The following OSCP1 variants were observed in gnomAD, a reference collection of about 807,000 sequenced individuals.
OSCP1 encodes the protein organic solute carrier partner 1, also known as protein OSCP1.
OSCP1 carries 35 observed loss-of-function variants against 45.1 expected under a neutral mutation model. The observed-to-expected ratio is 0.78, with a 90% CI of 0.59 to 1.03. The LOEUF (loss-of-function observed/expected upper bound fraction) is 1.03. Among genes scored for constraint, OSCP1 ranks in the 50% least tolerant of loss-of-function variants. The pLI, the probability that OSCP1 is intolerant of heterozygous loss-of-function variation, is 0.00. For synonymous variants in OSCP1, 179 were observed against 180.1 expected, an observed-to-expected ratio of 0.99 and a Z score of 0.05; for missense variants, 400 against 470.7, an observed-to-expected ratio of 0.85 and a Z score of 1.39.
At position 36,432,514 on chromosome 1, in the gene OSCP1, T is replaced by C. The variant is rs1359075675; in HGVS notation, c.343A>G (p.Thr115Ala). Reference protein sequence around the residue: ...CPRPKDVLLVTFNHLDTIKGF... With the variant: ...CPRPKDVLLVAFNHLDTIKGF... ...TTGATGGTATCCAAGTGATTGAAAG[T>C]GACCAGCAGCACATCCTTGGGTCGG... The change falls in exon 3 of 10, where the codon ACT (threonine) becomes GCT (alanine). Residue 115 changes from threonine (T) to alanine (A), a missense_variant. Coordinates refer to ENST00000235532, the MANE Select transcript of OSCP1 (RefSeq NM_145047.5). 6.2e-7 allele frequency: 1 copy of C among 1,614,108 alleles called. No homozygotes were observed.
chr1:36,431,991 G>A, intron 3 of OSCP1, 109 bp from the exon 4 acceptor site: 3 of 956,554 alleles, frequency 3.1e-6, no homozygotes, highest in African/African-American at 3.2e-5. Context: ...GGTAAGGAGA[G>A]GACTGGGCTG....
At chr1:36,421,904 G>A (rs1647637585) in intron 7 of OSCP1, 2 of 563,412 alleles carry the variant, frequency 3.5e-6, no homozygotes, top group Non-Finnish European at 6.3e-6. Flanking sequence ...ATGTCCTGGT[G>A]TGTGGTTCCT....
rs753072316 is a variant in OSCP1, at chr1:36,422,201, A to G, written c.768T>C (p.Pro256=). 4 of 1,614,074 alleles carry G rather than the reference A, an allele frequency of 2.5e-6. No homozygotes were observed. The Admixed American group carries it at 6.7e-5, about 27-fold the overall frequency. Residue 256 remains proline (P), a synonymous_variant, in exon 7 of 10, where the codon CCT becomes CCC. Transcript: ENST00000235532. The part of the protein sequence containing the change: ...LGTNMYSVNQ[P]VETHVSGSSK... ...ATGATCCAGACACATGAGTTTCCACAGGCTGATTCACGCTGTACCTGGTGT... is the reference window on the plus strand; with the variant it reads ...ATGATCCAGACACATGAGTTTCCACGGGCTGATTCACGCTGTACCTGGTGT...
intron 1 of OSCP1, among the ~76,000 whole-genome samples, chr1:36,446,943 TAGAG>T (rs752363161): frequency 2.0e-4 from 30 of 152,238 alleles, no homozygotes; most frequent in Admixed American, 3.3e-4. Context: ...AGTTGCCTCA[TAGAG>T]AGAGCACTTC....
chr1:36,418,484 A>G (rs1647407949), intron 9 of OSCP1: 1 of 582,336 alleles, frequency 1.7e-6, no homozygotes, highest in Admixed American at 2.9e-5. Flanking sequence ...CTGCTACAGA[A>G]TAGCAGATGG....
intron 1 of OSCP1, among the ~76,000 whole-genome samples, chr1:36,446,320 G>A (rs1475557098): frequency 6.6e-6 from 1 of 152,258 alleles, no homozygotes; most frequent in Non-Finnish European, 1.5e-5. Context: ...ACTGCGCCCG[G>A]CCCCTGCAGC....
At chr1:36,420,695 A>G in intron 7 of OSCP1, 80 bp from the exon 8 acceptor site, 1 of 1,531,218 alleles carries the variant, frequency 6.5e-7, no homozygotes, top group Non-Finnish European at 8.9e-7. Context: ...ACAGGTAGGT[A>G]TTATAAAATA....
intron 1 of OSCP1, among the ~76,000 whole-genome samples, chr1:36,448,829 G>A (rs1019804954): frequency 6.6e-6 from 1 of 152,248 alleles, no homozygotes; most frequent in African/African-American, 2.4e-5. Context: ...GGAAGACAGA[G>A]ATCAGATAAG....
At chr1:36,418,605 G>A (rs1004678306) in intron 9 of OSCP1, 51 of 340,984 alleles carry the variant, frequency 1.5e-4, no homozygotes, top group Non-Finnish European at 2.5e-4. Context: ...GAAGTTCAAC[G>A]TTATATAAGA....
intron 2 of OSCP1, among the ~76,000 whole-genome samples, chr1:36,434,169 T>G (rs1286005340): frequency 6.6e-6 from 1 of 152,182 alleles, no homozygotes; most frequent in Non-Finnish European, 1.5e-5. Context: ...TAAGGACATG[T>G]CTGGGGCAGG....
At chr1:36,439,061 A>C in intron 1 of OSCP1, 151 bp from the exon 2 acceptor site, 1 of 706,010 alleles carries the variant, frequency 1.4e-6, no homozygotes, top group South Asian at 2.8e-5. Context: ...AGGGGACCAC[A>C]CAGGTGTCCC....
At chr1:36,432,118 A>G (rs1446794053) in intron 3 of OSCP1, among the ~76,000 whole-genome samples, 1 of 152,146 alleles carries the variant, frequency 6.6e-6, no homozygotes, top group Non-Finnish European at 1.5e-5. Flanking sequence ...ACAGACCTGG[A>G]GAGCCTGTTC....
intron 4 of OSCP1, among the ~76,000 whole-genome samples, chr1:36,430,409 G>C (rs1648283249): frequency 1.3e-5 from 2 of 152,136 alleles, no homozygotes; most frequent in Non-Finnish European, 2.9e-5. Flanking sequence ...GAGGAGAGGG[G>C]CCCAGTTGGG....
intron 2 of OSCP1, 62 bp from the exon 3 acceptor site, chr1:36,432,651 CA>C: frequency 5.6e-6 from 9 of 1,596,710 alleles, no homozygotes; most frequent in Non-Finnish European, 7.7e-6. Flanking sequence ...TGAGAATCTC[CA>C]AACAGTGATT....
intron 1 of OSCP1, among the ~76,000 whole-genome samples, chr1:36,442,682 G>C (rs1432220734): frequency 6.6e-6 from 1 of 152,134 alleles, no homozygotes; most frequent in Non-Finnish European, 1.5e-5. Context: ...AGAGAGGCTA[G>C]GAAACCCTCC....
chr1:36,450,152 GAGTGA>G, intron 1 of OSCP1, 101 bp downstream of exon 1: 1 of 840,732 alleles, frequency 1.2e-6, no homozygotes. Context: ...CTGGTTATAA[GAGTGA>G]AGTGTGTAGG....
intron 1 of OSCP1, among the ~76,000 whole-genome samples, chr1:36,443,578 G>A (rs532008472): frequency 2.0e-5 from 3 of 152,220 alleles, no homozygotes; most frequent in South Asian, 2.1e-4. Context: ...AATTTTTCTC[G>A]GTTGCTCTGT....
At chr1:36,441,443 G>T (rs1461607924) in intron 1 of OSCP1, among the ~76,000 whole-genome samples, 1 of 151,998 alleles carries the variant, frequency 6.6e-6, no homozygotes, top group East Asian at 1.9e-4. Context: ...CTGAGAAATA[G>T]TTTTTTTAAA....
intron 1 of OSCP1, among the ~76,000 whole-genome samples, chr1:36,445,508 A>G (rs1044230391): frequency 1.3e-5 from 2 of 152,252 alleles, no homozygotes; most frequent in African/African-American, 4.8e-5. Flanking sequence ...GAGCAGTCTG[A>G]AAGCATGGCC....
Sources: allele counts gnomAD v4.1 joint callset (sites outside exome capture counted in the v4.1 genomes callset), GRCh38; gene constraint gnomAD v4.1.1; transcripts MANE v1.5; gene names NCBI Gene and HGNC (gene_info 2026-07-23, HGNC 2026-07-21).